The following SARM1 variants were observed in gnomAD, a reference collection of about 807,000 sequenced individuals.
The protein encoded by SARM1 is NAD(+) hydrolase SARM1.
In SARM1, 60 loss-of-function variants were observed where a neutral mutation model predicts 65.1. The observed-to-expected ratio is 0.92, with a 90% CI of 0.75 to 1.14. The LOEUF (loss-of-function observed/expected upper bound fraction) is 1.14, where lower values mean the gene tolerates loss of function less well. Ranked by LOEUF, SARM1 falls within the 50% of genes most tolerant of loss-of-function variation. SARM1 has a pLI of 0.00. For synonymous variants in SARM1, 417 were observed against 465.4 expected, an observed-to-expected ratio of 0.90 and a Z score of 1.34; for missense variants, 913 against 1,015.7, an observed-to-expected ratio of 0.90 and a Z score of 1.37.
chr17:28,381,552 G>A lies in SARM1; in HGVS notation c.820G>A (p.Val274Ile). Residue 274 changes from valine (V) to isoleucine (I), a missense_variant, in exon 2 of 9, where the codon GTA becomes ATA. Coordinates refer to ENST00000585482, the MANE Select transcript of SARM1 (RefSeq NM_015077.4). ...ELLRLHACLA[V>I]AVLATNKEVE... is the part of the protein sequence containing the mutation. ...GCTTCGGCTGCACGCCTGCCTCGCA[G>A]TAGCGGTGTTGGCGACTAACAAGGA... 1 of 1,588,578 alleles carries A rather than the reference G, an allele frequency of 6.3e-7. No homozygotes were observed. The highest frequency in any genetic ancestry group is 1.1e-5 in the South Asian group (1 of 87,068).
At position 28,384,854 on chromosome 17, in the gene SARM1, G is replaced by T. The variant is rs1470215238; in HGVS notation, c.1318G>T (p.Gly440Cys). 8 of 1,554,442 alleles carry T rather than the reference G, an allele frequency of 5.1e-6. No homozygotes were observed. The highest frequency in any genetic ancestry group is 7.0e-6 in the Non-Finnish European group (8 of 1,148,590). Reference protein sequence around the residue: ...CESFREQQVDGDLLLRLTEEE... With the variant: ...CESFREQQVDCDLLLRLTEEE... ...CCTCCCCCAGGAGCAGCAGGTGGAT[G>T]GCGACCTGCTTCTGCGGCTCACGGA... Residue 440 changes from glycine (G) to cysteine (C), a missense_variant, in exon 4 of 9, where the codon GGC (glycine) becomes TGC (cysteine). Physicochemically the swap from Gly to Cys is radical, Grantham distance 159. Around this residue, in one of 3 missense-constraint regions of SARM1, gnomAD observed 862 missense variants for 952.1 expected, o/e 0.91. Coordinates refer to ENST00000585482, the MANE Select transcript of SARM1 (RefSeq NM_015077.4). The surrounding 1 kb of genome is among the most constrained non-coding windows in gnomAD (Gnocchi z 4.4).
In SARM1 at chr17:28,381,540, G is replaced by A. The variant is rs782453628; in HGVS notation, c.808G>A (p.Ala270Thr). 6.3e-7 allele frequency: 1 copy of A among 1,581,100 alleles called. No homozygotes were observed. Among genetic ancestry groups the A allele is most frequent in the Non-Finnish European group, 8.6e-7 (1 of 1,164,950 alleles). Residue 270 changes from alanine to threonine, a missense_variant, in exon 2 of 9, where the codon GCC becomes ACC. By Grantham distance (58) the Ala-to-Thr change is moderately conservative (BLOSUM62 0). Around this residue, in one of 3 missense-constraint regions of SARM1, gnomAD observed 862 missense variants for 952.1 expected, o/e 0.91. Transcript: ENST00000585482. Reference protein sequence around the residue: ...SKEDELLRLHACLAVAVLATN... With the variant: ...SKEDELLRLHTCLAVAVLATN... ...GGAGGACGAGCTGCTTCGGCTGCAC[G>A]CCTGCCTCGCAGTAGCGGTGTTGGC...
At chr17:28,379,753 G>A (rs1357903366) in intron 1 of SARM1, among the ~76,000 whole-genome samples, 1 of 152,214 alleles carries the variant, frequency 6.6e-6, no homozygotes, top group Admixed American at 6.5e-5. Context: ...ATGGGGAAAA[G>A]CCTTTAGATT....
chr17:28,394,114 G>C (rs549147404), intron 7 of SARM1, among the ~76,000 whole-genome samples: 13 of 152,356 alleles, frequency 8.5e-5, no homozygotes, highest in African/African-American at 3.1e-4. Context: ...ACATGAAGGA[G>C]TTTGGACTTT....
intron 5 of SARM1, among the ~76,000 whole-genome samples, chr17:28,386,073 C>T (rs782327501): frequency 2.6e-5 from 4 of 152,120 alleles, no homozygotes; most frequent in African/African-American, 2.4e-5. Context: ...GCAGGCGGAT[C>T]GCTCAAGTCC....
At chr17:28,382,639 C>T (rs2142429672) in intron 2 of SARM1, among the ~76,000 whole-genome samples, 1 of 152,330 alleles carries the variant, frequency 6.6e-6, no homozygotes. Context: ...TCATTTTTAT[C>T]TTCTGGAAAA....
chr17:28,374,919 G>A (rs2142422918), intron 1 of SARM1, among the ~76,000 whole-genome samples: 1 of 134,956 alleles, frequency 7.4e-6, no homozygotes, highest in Admixed American at 9.0e-5. Context: ...GTCACAATGA[G>A]CTGAGATCAT....
Position 28,371,784 on chromosome 17 carries a change from C to T in SARM1, c.-249C>T, listed in dbSNP as rs2067955278. ...TACGGCGTCCGGAGCCATCCCTCGC[C>T]TGCTCGCTCTCTCCTTTCGCCCACT... On this transcript the variant is annotated 5_prime_UTR_variant, in exon 1 of 9. Coordinates refer to ENST00000585482, the MANE Select transcript of SARM1 (RefSeq NM_015077.4). 3 of 393,944 alleles carry T rather than the reference C, an allele frequency of 7.6e-6. No individual in the cohort carries two copies. The highest frequency in any genetic ancestry group is 9.2e-5 in the Admixed American group (2 of 21,828). 24.4% of individuals were successfully genotyped at this position (393,944 alleles called of 1,614,324 possible).
chr17:28,400,382 G>A lies in SARM1; in HGVS notation c.*4096G>A. The stretch of plus-strand genomic sequence containing the variant: ...GGGAGAGAGAACACAGCCTTGCCAA[G>A]CAGCAATGTTAGCCTGATCCTTCCT... On this transcript the variant is annotated 3_prime_UTR_variant, in exon 9 of 9. Transcript: ENST00000585482. 1.8e-6 allele frequency: 1 copy of A among 543,210 alleles called. No individual in the cohort carries two copies. Among genetic ancestry groups the A allele is most frequent in the Non-Finnish European group, 3.3e-6 (1 of 304,440 alleles). 33.6% of individuals were successfully genotyped at this position (543,210 alleles called of 1,614,324 possible). A position where few individuals can be genotyped will look rare whatever the true frequency, so the allele number is the denominator to read the frequency against.
chr17:28,384,395 C>G lies in SARM1; in HGVS notation c.1128C>G (p.Arg376=), dbSNP rs781896003. ...SDIGAIQSLK[R]LVSYSTNGTK... ...TCGGCGCCATCCAGAGCCTGAAACG[C>G]CTGGTTTCCTACTCTACCAATGGCA... Residue 376 remains arginine (R), a synonymous_variant, in exon 3 of 9, where the codon CGC becomes CGG. Coordinates refer to ENST00000585482, the MANE Select transcript of SARM1 (RefSeq NM_015077.4). This position sits in a 1 kb window ranked among gnomAD's most constrained non-coding sequence, Gnocchi z 4.4. 15 of 1,609,458 alleles carry G rather than the reference C, an allele frequency of 9.3e-6. No individual in the cohort carries two copies. In the East Asian group the frequency reaches 3.1e-4, roughly 34 times the overall value.
At position 28,381,322 on chromosome 17, in the gene SARM1, A is replaced by G. The variant is rs2068022267; in HGVS notation, c.590A>G (p.Glu197Gly). Reference sequence around the variant, plus strand: ...GAGCACATGTTCAAGCATTCGGAGGAGACATGCCAGAGGCTGGTGGCGGCC... The same window carrying G: ...GAGCACATGTTCAAGCATTCGGAGGGGACATGCCAGAGGCTGGTGGCGGCC... ...ILEHMFKHSE[E>G]TCQRLVAAGG... is the part of the protein sequence containing the mutation. The change falls in exon 2 of 9, where the codon GAG becomes GGG. Residue 197 changes from glutamate (E) to glycine (G), a missense_variant. Glu to Gly is a moderately conservative substitution (Grantham distance 98). Transcript: ENST00000585482. 1.2e-6 allele frequency: 2 copies of G among 1,600,232 alleles called. No individual in the cohort carries two copies. The highest frequency in any genetic ancestry group is 1.3e-5 in the African/African-American group (1 of 74,790).
rs541006489 is a variant in SARM1 at position 28,401,711 on chromosome 17, G to C, written c.*5425G>C. ...AAGAAACAGGCCTGTGGCAGGGCTC[G>C]GACTAAAACCCAGATCCTGAGACCA... is the stretch of plus-strand genomic sequence containing the variant. On this transcript the variant is annotated 3_prime_UTR_variant, in exon 9 of 9. Transcript: ENST00000585482. 6.6e-6 allele frequency: 1 copy of C among 152,186 alleles called. No individual in the cohort carries two copies. 9.4% of individuals were successfully genotyped at this position (152,186 alleles called of 1,614,324 possible). A position where few individuals can be genotyped will look rare whatever the true frequency, so the allele number is the denominator to read the frequency against.
chr17:28,381,385 C>T lies in SARM1; in HGVS notation c.653C>T (p.Thr218Met), dbSNP rs371692238. The change falls in exon 2 of 9, where the codon ACG (threonine) becomes ATG (methionine). Residue 218 changes from threonine to methionine, a missense_variant. Physicochemically the swap from Thr to Met is moderately conservative, Grantham distance 81 (BLOSUM62 -1). Around this residue, in one of 3 missense-constraint regions of SARM1, gnomAD observed 862 missense variants for 952.1 expected, o/e 0.91. Coordinates refer to ENST00000585482, the MANE Select transcript of SARM1 (RefSeq NM_015077.4). ...LDAVLYWCRR[T>M]DPALLRHCAL... ...GCGGTGCTGTATTGGTGCCGCCGCA[C>T]GGACCCCGCGCTGCTGCGCCACTGC... The T allele has an allele frequency of 2.4e-5, 38 of 1,560,132 alleles. No individual in the cohort carries two copies. The highest frequency in any genetic ancestry group is 3.3e-5 in the Non-Finnish European group (38 of 1,152,824).
intron 1 of SARM1, among the ~76,000 whole-genome samples, chr17:28,380,155 A>G (rs1597817409): frequency 7.4e-6 from 1 of 135,144 alleles, no homozygotes; most frequent in African/African-American, 2.8e-5. Flanking sequence ...TGAGCCTCCC[A>G]CCTTGGCCTC....
In SARM1 at chr17:28,388,248, C is replaced by G; in HGVS notation, c.1705C>G (p.Arg569Gly). 6.4e-7 allele frequency: 1 copy of G among 1,552,706 alleles called. No homozygotes were observed. The highest frequency in any genetic ancestry group is 8.7e-7 in the Non-Finnish European group (1 of 1,148,362). The change falls in exon 6 of 9, where the codon CGC (arginine) becomes GGC (glycine). Residue 569 changes from arginine to glycine, a missense_variant. Coordinates refer to ENST00000585482, the MANE Select transcript of SARM1 (RefSeq NM_015077.4). ...GDTPDVFISY[R>G]RNSGSQLASL... Reference sequence around the variant, plus strand: ...CACTCCAGATGTCTTCATCAGCTACCGCCGGAACTCAGGTTCCCAGCTGGC... The same window carrying G: ...CACTCCAGATGTCTTCATCAGCTACGGCCGGAACTCAGGTTCCCAGCTGGC...
Position 28,385,262 on chromosome 17 carries a change from C to T in SARM1, c.1617C>T (p.Leu539=). The change falls in exon 5 of 9, where the codon CTC becomes CTT. Residue 539 remains leucine, a synonymous_variant. Transcript: ENST00000585482. This position sits in a 1 kb window ranked among gnomAD's most constrained non-coding sequence, Gnocchi z 4.5. The part of the protein sequence containing the change: ...IHLGVHRARI[L]TAAREMLHSP... ...TGGGCGTGCACCGCGCCCGCATCCT[C>T]ACGGCGGCCAGAGGTCAGCCCGCTC... 6.4e-7 allele frequency: 1 copy of T among 1,556,608 alleles called. No homozygotes were observed. Among genetic ancestry groups the T allele is most frequent in the Non-Finnish European group, 8.6e-7 (1 of 1,157,658 alleles).
rs782024705 is a variant in SARM1 at position 28,381,503 on chromosome 17, C to T, written c.771C>T (p.Leu257=). 33 of 1,559,946 alleles carry T rather than the reference C, an allele frequency of 2.1e-5. No homozygotes were observed. In the Admixed American group the frequency reaches 4.4e-4, roughly 21 times the overall value. The change falls in exon 2 of 9, where the codon CTC becomes CTT. Residue 257 remains leucine, a synonymous_variant. Coordinates refer to ENST00000585482, the MANE Select transcript of SARM1 (RefSeq NM_015077.4). ...EKRAAEWLFP[L]AFSKEDELLR... The stretch of plus-strand genomic sequence containing the variant: ...GCGCAGCCGAGTGGCTCTTCCCGCT[C>T]GCCTTCTCCAAGGAGGACGAGCTGC...
rs1597828080 is a variant in SARM1, at chr17:28,397,679, G to C, written c.*1393G>C. The C allele has an allele frequency of 6.6e-6, 1 of 152,250 alleles. No individual in the cohort carries two copies. The highest frequency in any genetic ancestry group is 1.5e-5 in the Non-Finnish European group (1 of 68,080). The allele number at this position is 152,250 out of a possible 1,614,324, so 9.4% of individuals were successfully genotyped here. A position where few individuals can be genotyped will look rare whatever the true frequency, so the allele number is the denominator to read the frequency against. On this transcript the variant is annotated 3_prime_UTR_variant, in exon 9 of 9. Coordinates refer to ENST00000585482, the MANE Select transcript of SARM1 (RefSeq NM_015077.4). ...TCAAAGAATCTAGCAGCGGGGGATA[G>C]GATTTTGCAACAAAAAGCTGACCCA...
chr17:28,388,161 T>C lies in SARM1; in HGVS notation c.1631-13T>C. ...GGGGCCACCTTCACCATGCTGCCTA[T>C]TGCCCACTTCAGAAATGCTACACTC... On this transcript the variant is annotated splice_polypyrimidine_tract_variant and intron_variant, in intron 5 of 8. Transcript: ENST00000585482. 1.3e-6 allele frequency: 2 copies of C among 1,536,486 alleles called. No individual in the cohort carries two copies. Among genetic ancestry groups the C allele is most frequent in the South Asian group, 1.2e-5 (1 of 83,714 alleles).
Sources: gnomAD v4.1 joint callset for allele counts (sites outside exome capture counted in the v4.1 genomes callset) on GRCh38, gnomAD v4.1.1 for gene constraint, gnomAD v4.1.1 regional missense constraint, Gnocchi (gnomAD v3.1) non-coding constraint, MANE v1.5 for transcripts, NCBI Gene and HGNC (gene_info 2026-07-23, HGNC 2026-07-21) for gene names.